Variants in CYP2C19 observed in about 807,000 individuals in gnomAD.
The protein encoded by CYP2C19 is cytochrome P450 2C19.
CYP2C19 carries 59 observed loss-of-function variants against 40.9 expected under a neutral mutation model. The ratio of observed to expected loss-of-function variants is 1.44; its 90% confidence interval spans 1.17 to 1.79. The LOEUF (loss-of-function observed/expected upper bound fraction) is 1.79, where lower values mean the gene tolerates loss of function less well. Among genes scored for constraint, CYP2C19 ranks in the 40% most tolerant of loss-of-function variants. CYP2C19 has a pLI of 0.00. For missense variants in CYP2C19, 754 were observed against 596.9 expected (o/e 1.26, Z -2.74); for synonymous variants, 253 against 208.7 (o/e 1.21, Z -1.83).
chr10:94,800,991 C>G (rs975885510), intron 5 of CYP2C19, among the ~76,000 whole-genome samples: 19 of 152,246 alleles, frequency 1.2e-4, no homozygotes, highest in Non-Finnish European at 2.4e-4. Flanking sequence ...AGGCAGTGCC[C>G]CACCCTTCTT....
At chr10:94,823,007 A>G (rs1387963132) in intron 6 of CYP2C19, among the ~76,000 whole-genome samples, 2 of 152,082 alleles carry the variant, frequency 1.3e-5, no homozygotes, top group Admixed American at 1.3e-4. Flanking sequence ...TATGTAGAGT[A>G]CAGGCAATAG....
At chr10:94,772,805 C>T (rs143048816) in intron 1 of CYP2C19, among the ~76,000 whole-genome samples, 39 of 152,294 alleles carry the variant, frequency 2.6e-4, no homozygotes, top group African/African-American at 8.9e-4. Flanking sequence ...GACGGAGTCT[C>T]GCTCTGTCGC....
intron 1 of CYP2C19, chr10:94,774,741 C>T (rs935890826): frequency 1.3e-5 from 4 of 300,706 alleles, no homozygotes; most frequent in Non-Finnish European, 2.5e-5. Context: ...AGCTGTGGGA[C>T]ACTGAAAATG....
At chr10:94,769,879 T>C (rs1479404531) in intron 1 of CYP2C19, among the ~76,000 whole-genome samples, 1 of 152,154 alleles carries the variant, frequency 6.6e-6, no homozygotes, top group Non-Finnish European at 1.5e-5. Context: ...CTCATATTCA[T>C]GTAGATAATA....
intron 7 of CYP2C19, among the ~76,000 whole-genome samples, chr10:94,848,921 T>A (rs984882383): frequency 6.6e-6 from 1 of 152,170 alleles, no homozygotes; most frequent in Non-Finnish European, 1.5e-5. Flanking sequence ...TTTTGTCCAT[T>A]GATTTTGTAT....
chr10:94,837,270 G>A, intron 6 of CYP2C19, among the ~76,000 whole-genome samples: 1 of 152,146 alleles, frequency 6.6e-6, no homozygotes. Flanking sequence ...GGGCTTTTAG[G>A]TCCTTAACAA....
intron 6 of CYP2C19, among the ~76,000 whole-genome samples, chr10:94,840,117 G>A (rs185036125): frequency 2.0e-5 from 3 of 152,016 alleles, no homozygotes; most frequent in East Asian, 1.9e-4. Context: ...TGGCCCATCC[G>A]CGGGTTACTG....
intron 3 of CYP2C19, among the ~76,000 whole-genome samples, chr10:94,779,551 T>TTTTCTTTTC (rs142844620): frequency 2.9e-5 from 4 of 136,164 alleles, no homozygotes; most frequent in Admixed American, 7.5e-5. Context: ...CTTTTTTTCC[T>TTTTCTTTTC]TTTTCTTTTC....
intron 5 of CYP2C19, among the ~76,000 whole-genome samples, chr10:94,818,123 C>A (rs1849041421): frequency 6.7e-6 from 1 of 149,722 alleles, no homozygotes; most frequent in Admixed American, 6.7e-5. Context: ...GCCAGTTTTC[C>A]CAGCACCATT....
intron 6 of CYP2C19, among the ~76,000 whole-genome samples, chr10:94,827,066 G>A (rs1849238547): frequency 6.6e-6 from 1 of 151,962 alleles, no homozygotes; most frequent in East Asian, 1.9e-4. Context: ...CGGTTTGCCA[G>A]TATTTTATTG....
rs200003088 is a variant in CYP2C19, at chr10:94,820,657, G to A, written c.961+20G>A. ...TCACAGGTATGATCACAGAGGATGA[G>A]TTAATTGAGTTTTAGGAAAGATGTT... On this transcript the variant is annotated intron_variant, in intron 6 of 8. Transcript: ENST00000371321. The A allele has an allele frequency of 6.9e-4, 1,116 of 1,614,082 alleles. No homozygotes were observed. Among genetic ancestry groups the A allele is most frequent in the Non-Finnish European group, 8.8e-4 (1,036 of 1,179,948 alleles).
Position 94,836,394 on chromosome 10 carries a change from GT to G in CYP2C19, c.962-6435del, listed in dbSNP as rs568156376. On this transcript the variant is annotated intron_variant, in intron 6 of 8. Coordinates refer to ENST00000371321, the MANE Select transcript of CYP2C19 (RefSeq NM_000769.4). The stretch of plus-strand genomic sequence containing the variant: ...TGTAAGGACTCCTAGAGCTATTCCT[GT>G]TTTTTTTCTGTGTTATATAAAGAAA... 1.8e-4 allele frequency among the ~76,000 whole-genome samples: 28 copies of G among 151,996 alleles called. No homozygotes were observed. In the East Asian group the frequency reaches 4.7e-3, roughly 25 times the overall value.
chr10:94,808,477 C>T (rs1162263749), intron 5 of CYP2C19, among the ~76,000 whole-genome samples: 2 of 152,104 alleles, frequency 1.3e-5, no homozygotes, highest in African/African-American at 4.8e-5. Context: ...GTATGATTGA[C>T]TAATTATTGA....
At chr10:94,777,317 G>C (rs1335878078) in intron 3 of CYP2C19, among the ~76,000 whole-genome samples, 1 of 152,002 alleles carries the variant, frequency 6.6e-6, no homozygotes, top group African/African-American at 2.4e-5. Flanking sequence ...ATTTCATATG[G>C]AACCAAAAAA....
intron 7 of CYP2C19, among the ~76,000 whole-genome samples, chr10:94,847,999 T>A (rs530526970): frequency 2.6e-5 from 4 of 152,226 alleles, no homozygotes. Flanking sequence ...ATGAGTAGAT[T>A]GCAAAAATTT....
At chr10:94,795,732 A>C (rs1435852407) in intron 5 of CYP2C19, among the ~76,000 whole-genome samples, 1 of 151,802 alleles carries the variant, frequency 6.6e-6, no homozygotes, top group Non-Finnish European at 1.5e-5. Flanking sequence ...TGTGGTTTTG[A>C]TTTGCAGTTC....
intron 6 of CYP2C19, among the ~76,000 whole-genome samples, chr10:94,827,033 G>A (rs931964556): frequency 6.6e-6 from 1 of 152,084 alleles, no homozygotes; most frequent in Non-Finnish European, 1.5e-5. Context: ...TGGTGGATAA[G>A]CTTTTTGATG....
chr10:94,855,191 G>A lies in CYP2C19; in HGVS notation c.*2277G>A, dbSNP rs536463089. 3.9e-5 allele frequency among the ~76,000 whole-genome samples: 6 copies of A among 152,076 alleles called. No individual in the cohort carries two copies. Among genetic ancestry groups the A allele is most frequent in the Admixed American group, 1.3e-4 (2 of 15,272 alleles). ...CTCTCTCCCTTATGTAAAGACCCTT[G>A]TGATTACATGAAACCCACCAGTGTA... On this transcript the variant is annotated 3_prime_UTR_variant, in exon 9 of 9. Coordinates refer to ENST00000371321, the MANE Select transcript of CYP2C19 (RefSeq NM_000769.4).
chr10:94,831,390 T>C (rs938663607), intron 6 of CYP2C19, among the ~76,000 whole-genome samples: 1 of 152,252 alleles, frequency 6.6e-6, no homozygotes, highest in Non-Finnish European at 1.5e-5. Context: ...TTTGGGTATA[T>C]ACCCAGTAGT....
Sources: allele counts gnomAD v4.1 joint callset (sites outside exome capture counted in the v4.1 genomes callset), GRCh38; gene constraint gnomAD v4.1.1; transcripts MANE v1.5; gene names NCBI Gene and HGNC (gene_info 2026-07-23, HGNC 2026-07-21).